Variants in SYT1 observed in about 807,000 individuals in gnomAD.
SYT1 encodes synaptotagmin 1, also known as synaptotagmin-1.
In SYT1, 8 loss-of-function variants were observed where a neutral mutation model predicts 44.8. That is an observed-to-expected ratio of 0.18 (90% CI 0.10 to 0.32). SYT1 has a LOEUF of 0.32. Among genes scored for constraint, SYT1 ranks in the 10% least tolerant of loss-of-function variants. The pLI, the probability that SYT1 is intolerant of heterozygous loss-of-function variation, is 1.00. For synonymous variants in SYT1, 154 were observed against 188.8 expected, an observed-to-expected ratio of 0.82 and a Z score of 1.51; for missense variants, 286 against 509.3, an observed-to-expected ratio of 0.56 and a Z score of 4.22.
At chr12:79,136,373 A>G (rs1869189381) in intron 3 of SYT1, among the ~76,000 whole-genome samples, 2 of 152,314 alleles carry the variant, frequency 1.3e-5, no homozygotes, top group African/African-American at 2.4e-5. Flanking sequence ...AGCTCACAAG[A>G]GTGAGGCTGG....
At chr12:78,897,904 A>C (rs1277962974) in intron 1 of SYT1, among the ~76,000 whole-genome samples, 2 of 152,054 alleles carry the variant, frequency 1.3e-5, no homozygotes, top group Non-Finnish European at 2.9e-5. Flanking sequence ...CTCCCAAGTT[A>C]GGACATGAAC....
chr12:79,371,134 G>T (rs2136049094), intron 9 of SYT1, among the ~76,000 whole-genome samples: 1 of 152,244 alleles, frequency 6.6e-6, no homozygotes, highest in Non-Finnish European at 1.5e-5. Flanking sequence ...AGGTAGGTAT[G>T]GTTATCCCCA....
At chr12:79,438,963 G>A (rs891885791) in intron 9 of SYT1, among the ~76,000 whole-genome samples, 1 of 152,132 alleles carries the variant, frequency 6.6e-6, no homozygotes. Flanking sequence ...TCTCAGAGTA[G>A]AAAGGAGTCA....
chr12:79,373,921 A>T (rs184720781), intron 9 of SYT1, among the ~76,000 whole-genome samples: 8 of 152,258 alleles, frequency 5.3e-5, no homozygotes, highest in South Asian at 2.1e-4. Context: ...GTTGTTCAGG[A>T]CTCATTTTAG....
chr12:79,244,719 A>G (rs1876718051), intron 4 of SYT1, among the ~76,000 whole-genome samples: 1 of 151,828 alleles, frequency 6.6e-6, no homozygotes, highest in African/African-American at 2.4e-5. Context: ...AAGAAGAAAA[A>G]AAAAAAAAAA....
At chr12:79,399,363 A>AAAAG (rs2136110588) in intron 9 of SYT1, among the ~76,000 whole-genome samples, 1 of 151,584 alleles carries the variant, frequency 6.6e-6, no homozygotes, top group South Asian at 2.1e-4. Context: ...ATATTATGAT[A>AAAAG]AAAGATAACA....
intron 1 of SYT1, among the ~76,000 whole-genome samples, chr12:78,889,039 A>G (rs936099260): frequency 6.6e-6 from 1 of 151,830 alleles, no homozygotes; most frequent in African/African-American, 2.4e-5. Flanking sequence ...ATCAATTTTT[A>G]TCTCAGTTCC....
chr12:79,225,737 G>T (rs967328007), intron 4 of SYT1, among the ~76,000 whole-genome samples: 2 of 152,158 alleles, frequency 1.3e-5, no homozygotes, highest in Admixed American at 6.5e-5. Context: ...TGGCAAGGCT[G>T]ATAAGTATAG....
rs1565964433 is a variant in SYT1 at position 79,450,704 on chromosome 12, C to T, written c.*1580C>T. The T allele has an allele frequency of 6.6e-6, 1 of 152,612 alleles. No individual in the cohort carries two copies. The highest frequency in any genetic ancestry group is 2.4e-5 in the African/African-American group (1 of 41,440). The allele number at this position is 152,612 out of a possible 1,614,324, so 9.5% of individuals were successfully genotyped here. On this transcript the variant is annotated 3_prime_UTR_variant, in exon 11 of 11. Transcript: ENST00000261205. ...ACTGCACTGCCCAAGGTGTGTGTAG[C>T]ACAAACAGTTCTCATTACAAAGGAC...
intron 1 of SYT1, among the ~76,000 whole-genome samples, chr12:78,959,956 T>C (rs1467461042): frequency 6.6e-6 from 1 of 152,178 alleles, no homozygotes; most frequent in Non-Finnish European, 1.5e-5. Context: ...CTACTGGTGA[T>C]TTTGAAATTG....
At chr12:78,956,049 A>T (rs1010746486) in intron 1 of SYT1, among the ~76,000 whole-genome samples, 21 of 151,996 alleles carry the variant, frequency 1.4e-4, no homozygotes, top group Non-Finnish European at 7.4e-5. Context: ...ATGAAAAAAT[A>T]CTGCAATGAA....
At chr12:79,303,683 A>G (rs1215376115) in intron 8 of SYT1, among the ~76,000 whole-genome samples, 1 of 152,158 alleles carries the variant, frequency 6.6e-6, no homozygotes, top group African/African-American at 2.4e-5. Flanking sequence ...TTTGCAAGAA[A>G]ATTTCACATT....
chr12:79,303,314 A>T (rs1880236553), intron 8 of SYT1, among the ~76,000 whole-genome samples: 1 of 152,108 alleles, frequency 6.6e-6, no homozygotes, highest in Non-Finnish European at 1.5e-5. Flanking sequence ...TCCTATTTAT[A>T]AAGTTTATTT....
intron 8 of SYT1, among the ~76,000 whole-genome samples, chr12:79,316,008 A>T (rs1023680740): frequency 6.6e-6 from 1 of 152,188 alleles, no homozygotes; most frequent in Admixed American, 6.5e-5. Flanking sequence ...TTTCCTACTA[A>T]CATCGTGACT....
chr12:79,061,301 T>C (rs1324952962), intron 3 of SYT1, among the ~76,000 whole-genome samples: 4 of 152,002 alleles, frequency 2.6e-5, no homozygotes, highest in Non-Finnish European at 5.9e-5. Flanking sequence ...CATTTATCAA[T>C]GCCAGAGACA....
At chr12:79,296,025 G>A (rs1879857941) in intron 6 of SYT1, 44 bp from the exon 7 acceptor site, 1 of 1,556,054 alleles carries the variant, frequency 6.4e-7, no homozygotes, top group Non-Finnish European at 8.7e-7. Context: ...TTTCCAAAAT[G>A]TCCACTGATA....
chr12:79,137,339 A>G (rs1869264186), intron 3 of SYT1, among the ~76,000 whole-genome samples: 1 of 152,034 alleles, frequency 6.6e-6, no homozygotes, highest in African/African-American at 2.4e-5. Context: ...CAGGTGATCC[A>G]TCCACCCCAA....
chr12:78,880,400 A>G (rs898284813), intron 1 of SYT1, among the ~76,000 whole-genome samples: 1 of 151,524 alleles, frequency 6.6e-6, no homozygotes, highest in African/African-American at 2.4e-5. Flanking sequence ...CTTCCCTAAC[A>G]TCTTTCTTCT....
At chr12:78,873,568 G>C (rs1873927341) in intron 1 of SYT1, among the ~76,000 whole-genome samples, 1 of 151,494 alleles carries the variant, frequency 6.6e-6, no homozygotes, top group African/African-American at 2.4e-5. Flanking sequence ...TTTCTTATTT[G>C]TAAACTCCAT....
Sources: gnomAD v4.1 joint callset for allele counts (sites outside exome capture counted in the v4.1 genomes callset) on GRCh38, gnomAD v4.1.1 for gene constraint, MANE v1.5 for transcripts, NCBI Gene and HGNC (gene_info 2026-07-23, HGNC 2026-07-21) for gene names.